SMAD4: variants seen among roughly 807,000 people sequenced by gnomAD.
SMAD4 encodes SMAD family member 4.
A neutral mutation model predicts 63.2 loss-of-function variants in SMAD4; 7 were observed. The ratio of observed to expected loss-of-function variants is 0.11; its 90% confidence interval spans 0.06 to 0.21. SMAD4 has a LOEUF of 0.21. Ranked by LOEUF, SMAD4 falls within the 10% of genes least tolerant of loss-of-function variation. The pLI is 1.00. For missense variants in SMAD4, 312 were observed against 693.8 expected (o/e 0.45, Z 6.18); for synonymous variants, 215 against 235.4 (o/e 0.91, Z 0.79).
intron 10 of SMAD4, 53 bp from the exon 11 acceptor site, chr18:51,076,585 T>TTAAA: frequency 3.2e-6 from 5 of 1,545,632 alleles, no homozygotes; most frequent in Non-Finnish European, 4.5e-6. Flanking sequence ...TGGTTTTTAA[T>TTAAA]GTATGGAATT....
chr18:51,069,303 C>T (rs779012846), intron 10 of SMAD4, among the ~76,000 whole-genome samples: 10 of 152,054 alleles, frequency 6.6e-5, no homozygotes, highest in Non-Finnish European at 1.3e-4. Context: ...TTAGTAGAGA[C>T]GGGGTTTCAC....
At chr18:51,033,429 A>C (rs563039967) in intron 1 of SMAD4, among the ~76,000 whole-genome samples, 3 of 152,338 alleles carry the variant, frequency 2.0e-5, no homozygotes, top group East Asian at 3.9e-4. Flanking sequence ...ACCTCAGGTG[A>C]TCCGCCCGCC....
chr18:51,055,088 A>T (rs1014981118), intron 5 of SMAD4, 95 bp downstream of exon 5: 5 of 903,382 alleles, frequency 5.5e-6, no homozygotes, highest in Non-Finnish European at 9.3e-6. Context: ...CAAGTAAGTA[A>T]ACATTAAAAG....
intron 4 of SMAD4, among the ~76,000 whole-genome samples, chr18:51,051,571 C>T (rs546619720): frequency 6.6e-6 from 1 of 152,164 alleles, no homozygotes; most frequent in South Asian, 2.1e-4. Flanking sequence ...GCATGTATTG[C>T]CTGGTACTGT....
chr18:51,076,224 G>A (rs1026493820), intron 10 of SMAD4, among the ~76,000 whole-genome samples: 11 of 152,030 alleles, frequency 7.2e-5, no homozygotes, highest in African/African-American at 2.4e-4. Context: ...CTCCAAATAA[G>A]CAAAAATGAT....
rs1179236471 is a variant in SMAD4, at chr18:51,078,637, A to G, written c.*170A>G. 7.2e-5 allele frequency: 40 copies of G among 556,212 alleles called. No individual in the cohort carries two copies. Among genetic ancestry groups the G allele is most frequent in the Non-Finnish European group, 1.2e-4 (38 of 317,500 alleles). The allele number at this position is 556,212 out of a possible 1,614,324, so 34.5% of individuals were successfully genotyped here. A position where few individuals can be genotyped will look rare whatever the true frequency, so the allele number is the denominator to read the frequency against. ...AGCAGACAGAAACTGGATTAAAACA[A>G]TTTTTTTTTTCCTCTTCAGAACTTG... On this transcript the variant is annotated 3_prime_UTR_variant, in exon 12 of 12. Coordinates refer to ENST00000342988, the MANE Select transcript of SMAD4 (RefSeq NM_005359.6).
intron 1 of SMAD4, among the ~76,000 whole-genome samples, chr18:51,039,678 GA>G (rs1337198597): frequency 1.3e-5 from 2 of 152,030 alleles, no homozygotes; most frequent in Non-Finnish European, 2.9e-5. Flanking sequence ...TTTACAAATG[GA>G]GAAATACATG....
intron 8 of SMAD4, among the ~76,000 whole-genome samples, chr18:51,064,271 A>G (rs1267488764): frequency 6.6e-6 from 1 of 152,198 alleles, no homozygotes; most frequent in East Asian, 1.9e-4. Context: ...CAGTCTTCAC[A>G]TAGATAAAAG....
chr18:51,078,689 T>G lies in SMAD4; in HGVS notation c.*222T>G, dbSNP rs766473122. 3 of 539,382 alleles carry G rather than the reference T, an allele frequency of 5.6e-6. No individual in the cohort carries two copies. The highest frequency in any genetic ancestry group is 9.9e-6 in the Non-Finnish European group (3 of 303,436). 33.4% of individuals were successfully genotyped at this position (539,382 alleles called of 1,614,324 possible). On this transcript the variant is annotated 3_prime_UTR_variant, in exon 12 of 12. Coordinates refer to ENST00000342988, the MANE Select transcript of SMAD4 (RefSeq NM_005359.6). The stretch of plus-strand genomic sequence containing the variant: ...CAGGCATGGCTCAGAGCTTGAAGAT[T>G]AGGAGAAACACATTCTTATTAATTC...
chr18:51,068,981 C>A (rs1249873878), intron 10 of SMAD4, among the ~76,000 whole-genome samples: 3 of 151,986 alleles, frequency 2.0e-5, no homozygotes, highest in Admixed American at 6.6e-5. Flanking sequence ...TAAATGATAT[C>A]ATGATATTTG....
chr18:51,062,554 G>T (rs1307644653), intron 8 of SMAD4, among the ~76,000 whole-genome samples: 1 of 151,956 alleles, frequency 6.6e-6, no homozygotes, highest in Non-Finnish European at 1.5e-5. Context: ...AGGCTAGAGT[G>T]CAGTCATGCA....
intron 1 of SMAD4, among the ~76,000 whole-genome samples, chr18:51,041,970 A>T (rs1180579177): frequency 6.6e-6 from 1 of 152,068 alleles, no homozygotes; most frequent in Admixed American, 6.6e-5. Flanking sequence ...ATCACTTTAT[A>T]CCTACTTCTT....
chr18:51,066,186 T>TA (rs1214978669), intron 9 of SMAD4, among the ~76,000 whole-genome samples: 1 of 151,920 alleles, frequency 6.6e-6, no homozygotes, highest in Non-Finnish European at 1.5e-5. Context: ...ACCCTGTCTC[T>TA]ACCAAAAATT....
rs1346724634 is a variant in SMAD4, at chr18:51,083,103, G to A, written c.*4636G>A. 3 of 225,442 alleles carry A rather than the reference G, an allele frequency of 1.3e-5. No homozygotes were observed. Among genetic ancestry groups the A allele is most frequent in the Non-Finnish European group, 1.8e-5 (2 of 113,258 alleles). 14.0% of individuals were successfully genotyped at this position (225,442 alleles called of 1,614,324 possible). The stretch of plus-strand genomic sequence containing the variant: ...TCCCCCTTAGAATAATATTTTGAAA[G>A]GTTTCATTGCTTCCACTTGAATGCT... On this transcript the variant is annotated 3_prime_UTR_variant, in exon 12 of 12. Coordinates refer to ENST00000342988, the MANE Select transcript of SMAD4 (RefSeq NM_005359.6).
chr18:51,076,678 A>G lies in SMAD4; in HGVS notation c.1349A>G (p.Gln450Arg). The G allele has an allele frequency of 6.2e-7, 1 of 1,613,172 alleles. No homozygotes were observed. The highest frequency in any genetic ancestry group is 2.2e-5 in the East Asian group (1 of 44,872). ...CAGTGTCATCGACAGATGCAGCAGC[A>G]GGCGGCTACTGCACAAGCTGCAGCA... ...LRQCHRQMQQ[Q>R]AATAQAAAAA... The change falls in exon 11 of 12, where the codon CAG (glutamine) becomes CGG (arginine). Residue 450 changes from glutamine (Q) to arginine (R), a missense_variant. Gln to Arg is a conservative substitution (Grantham distance 43). This residue lies in a region of SMAD4 where 92 missense variants were observed against 305.9 expected (regional missense o/e 0.30). Coordinates refer to ENST00000342988, the MANE Select transcript of SMAD4 (RefSeq NM_005359.6).
At chr18:51,044,149 C>T (rs1026153998) in intron 1 of SMAD4, among the ~76,000 whole-genome samples, 1 of 152,004 alleles carries the variant, frequency 6.6e-6, no homozygotes, top group East Asian at 1.9e-4. Flanking sequence ...CCCTCTTTCC[C>T]GATTCCTTTC....
intron 8 of SMAD4, among the ~76,000 whole-genome samples, chr18:51,064,922 A>G (rs1910107305): frequency 6.6e-6 from 1 of 152,220 alleles, no homozygotes; most frequent in South Asian, 2.1e-4. Context: ...GGGAATCTAT[A>G]AAAATATGTC....
rs779803439 is a variant in SMAD4 at position 51,058,251 on chromosome 18, A to T, written c.787+7A>T. ...CCAGCTACTTACCATCATAGTATGT[A>T]CATACTTTAAAAAATCTTTTAAATA... is the stretch of plus-strand genomic sequence containing the variant. On this transcript the variant is annotated splice_region_variant and intron_variant, in intron 6 of 11. Transcript: ENST00000342988. 1 of 1,611,246 alleles carries T rather than the reference A, an allele frequency of 6.2e-7. No homozygotes were observed. Among genetic ancestry groups the T allele is most frequent in the Non-Finnish European group, 8.5e-7 (1 of 1,178,164 alleles).
At chr18:51,073,388 T>TATATATATATATATATACACAC (rs1417299090) in intron 10 of SMAD4, among the ~76,000 whole-genome samples, 3 of 64,160 alleles carry the variant, frequency 4.7e-5, no homozygotes, top group African/African-American at 2.3e-4. Context: ...TATATATATA[T>TATATATATATATATATACACAC]ACACACACAC....
Sources: allele counts gnomAD v4.1 joint callset (sites outside exome capture counted in the v4.1 genomes callset), GRCh38; gene constraint gnomAD v4.1.1; regional missense constraint gnomAD v4.1.1; transcripts MANE v1.5; gene names NCBI Gene and HGNC (gene_info 2026-07-23, HGNC 2026-07-21).